Variants in CAV1 observed in about 807,000 individuals in gnomAD.
CAV1 encodes caveolin-1.
Under a neutral mutation model 16.5 loss-of-function variants are expected in CAV1, and 10 were observed. The ratio of observed to expected loss-of-function variants is 0.61; its 90% confidence interval spans 0.37 to 1.03. The LOEUF is 1.03. Among genes scored for constraint, CAV1 ranks in the 50% least tolerant of loss-of-function variants. CAV1 has a pLI of 0.01. For missense variants in CAV1, 212 were observed against 232.8 expected (o/e 0.91, Z 0.58); for synonymous variants, 76 against 85.1 (o/e 0.89, Z 0.59).
intron 2 of CAV1, among the ~76,000 whole-genome samples, chr7:116,540,567 A>G (rs374243486): frequency 9.2e-5 from 14 of 152,326 alleles, no homozygotes; most frequent in African/African-American, 3.4e-4. Flanking sequence ...ATACAGCCAG[A>G]ATCACAGTCA....
intron 2 of CAV1, among the ~76,000 whole-genome samples, chr7:116,544,689 G>A (rs542727477): frequency 6.6e-6 from 1 of 152,172 alleles, no homozygotes; most frequent in African/African-American, 2.4e-5. Flanking sequence ...TGTAGAAAAG[G>A]GTTTGAGGAA....
intron 2 of CAV1, among the ~76,000 whole-genome samples, chr7:116,536,498 T>C (rs1304795597): frequency 6.6e-6 from 1 of 152,128 alleles, no homozygotes; most frequent in Non-Finnish European, 1.5e-5. Context: ...GCCGAACATA[T>C]GTTTACCAGG....
At chr7:116,527,150 GT>G in intron 2 of CAV1, 1 of 218,742 alleles carries the variant, frequency 4.6e-6, no homozygotes, top group Non-Finnish European at 9.3e-6. Context: ...AGATGGGCAT[GT>G]TCCCCCAACT....
chr7:116,539,413 G>A (rs1278401776), intron 2 of CAV1, among the ~76,000 whole-genome samples: 1 of 152,058 alleles, frequency 6.6e-6, no homozygotes, highest in Non-Finnish European at 1.5e-5. Context: ...GCTGAATTCA[G>A]TTGACACTCT....
intron 1 of CAV1, chr7:116,525,550 G>A (rs1195993176): frequency 1.7e-5 from 21 of 1,219,680 alleles, no homozygotes; most frequent in Non-Finnish European, 2.0e-5. Flanking sequence ...GGTCCCGCAG[G>A]CGGCGCGCGG....
chr7:116,536,996 C>T (rs940774068), intron 2 of CAV1, among the ~76,000 whole-genome samples: 10 of 111,334 alleles, frequency 9.0e-5, no homozygotes, highest in African/African-American at 2.9e-4. Context: ...GGCAACAGAG[C>T]GAGACTCCGT....
At chr7:116,539,572 A>C (rs1473943151) in intron 2 of CAV1, among the ~76,000 whole-genome samples, 1 of 152,226 alleles carries the variant, frequency 6.6e-6, no homozygotes, top group African/African-American at 2.4e-5. Flanking sequence ...AACTTAATAA[A>C]TAAATTCAAA....
At chr7:116,555,736 T>G (rs1420981622) in intron 2 of CAV1, among the ~76,000 whole-genome samples, 3 of 151,036 alleles carry the variant, frequency 2.0e-5, no homozygotes, top group Non-Finnish European at 4.4e-5. Flanking sequence ...TACTATTTTT[T>G]GGGCATTTAC....
chr7:116,540,884 C>A (rs1412521254), intron 2 of CAV1, among the ~76,000 whole-genome samples: 1 of 152,078 alleles, frequency 6.6e-6, no homozygotes, highest in Non-Finnish European at 1.5e-5. Flanking sequence ...AACCAAGATG[C>A]CTGGTGAGTA....
At chr7:116,538,124 A>G (rs893076777) in intron 2 of CAV1, among the ~76,000 whole-genome samples, 1 of 152,148 alleles carries the variant, frequency 6.6e-6, no homozygotes, top group African/African-American at 2.4e-5. Flanking sequence ...AAGGTTCTCA[A>G]TTTGCCTGCT....
At chr7:116,547,078 A>G (rs1401053353) in intron 2 of CAV1, among the ~76,000 whole-genome samples, 1 of 152,018 alleles carries the variant, frequency 6.6e-6, no homozygotes, top group East Asian at 1.9e-4. Flanking sequence ...TTTTCATATG[A>G]CCATCTTCAT....
intron 2 of CAV1, among the ~76,000 whole-genome samples, chr7:116,555,542 G>GAGAGAGAGAAAGAAAGAA (rs1478856618): frequency 2.5e-4 from 3 of 12,146 alleles, no homozygotes; most frequent in African/African-American, 7.0e-4. Flanking sequence ...GAGAGAGAGA[G>GAGAGAGAGAAAGAAAGAA]AGAAAGAAAG....
intron 2 of CAV1, among the ~76,000 whole-genome samples, chr7:116,555,594 A>AG (rs1562838664): frequency 6.9e-5 from 7 of 101,982 alleles, no homozygotes; most frequent in East Asian, 3.4e-4. Context: ...GAAAGAAAGA[A>AG]AGAAAGAAAG....
intron 1 of CAV1, chr7:116,526,212 G>A (rs1793554542): frequency 1.0e-6 from 1 of 956,620 alleles, no homozygotes; most frequent in Non-Finnish European, 1.3e-6. Flanking sequence ...GCCGGGGCGT[G>A]CGCGGGCGGG....
chr7:116,534,769 C>T (rs1043381120), intron 2 of CAV1, among the ~76,000 whole-genome samples: 1 of 151,940 alleles, frequency 6.6e-6, no homozygotes, highest in Non-Finnish European at 1.5e-5. Flanking sequence ...TTCAAATGAT[C>T]GTTCTTCAAA....
At chr7:116,535,602 T>G (rs1420487321) in intron 2 of CAV1, among the ~76,000 whole-genome samples, 1 of 152,210 alleles carries the variant, frequency 6.6e-6, no homozygotes, top group African/African-American at 2.4e-5. Context: ...GTGTTTTTAA[T>G]TTTGCCTTAA....
Position 116,559,186 on chromosome 7 carries a change from C to T in CAV1, c.436C>T (p.Arg146Cys), listed in dbSNP as rs143730366. ...CCTGATTGAGATTCAGTGCATCAGCCGTGTCTATTCCATCTACGTCCACAC... is the reference window on the plus strand; with the variant it reads ...CCTGATTGAGATTCAGTGCATCAGCTGTGTCTATTCCATCTACGTCCACAC... ...SFLIEIQCIS[R>C]VYSIYVHTVC... The change falls in exon 3 of 3, where the codon CGT becomes TGT. Residue 146 changes from arginine (R) to cysteine (C), a missense_variant. By Grantham distance (180) the Arg-to-Cys change is radical. Transcript: ENST00000341049. The T allele has an allele frequency of 2.2e-5, 35 of 1,613,748 alleles. No homozygotes were observed. Among genetic ancestry groups the T allele is most frequent in the South Asian group, 4.4e-5 (4 of 91,078 alleles).
chr7:116,548,204 T>A (rs1317530361), intron 2 of CAV1, among the ~76,000 whole-genome samples: 2 of 152,240 alleles, frequency 1.3e-5, no homozygotes, highest in Non-Finnish European at 2.9e-5. Context: ...GTCCCAAGAA[T>A]CTGCATTTTA....
rs756256990 is a variant in CAV1 at position 116,559,206 on chromosome 7, C to A, written c.456C>A (p.Val152=). ...QCISRVYSIY[V]HTVCDPLFEA... ...TCAGCCGTGTCTATTCCATCTACGT[C>A]CACACCGTCTGTGACCCACTCTTTG... Residue 152 remains valine (V), a synonymous_variant, in exon 3 of 3, where the codon GTC becomes GTA. Transcript: ENST00000341049. The A allele has an allele frequency of 2.5e-6, 4 of 1,613,946 alleles. No individual in the cohort carries two copies. The highest frequency in any genetic ancestry group is 3.4e-6 in the Non-Finnish European group (4 of 1,179,874).
Sources: gnomAD v4.1 joint callset for allele counts (sites outside exome capture counted in the v4.1 genomes callset) on GRCh38, gnomAD v4.1.1 for gene constraint, MANE v1.5 for transcripts, NCBI Gene and HGNC (gene_info 2026-07-23, HGNC 2026-07-21) for gene names.